Variants in SGCD observed in about 807,000 individuals in gnomAD.
SGCD encodes the protein sarcoglycan delta.
SGCD carries 18 observed loss-of-function variants against 36.6 expected under a neutral mutation model. The observed-to-expected ratio is 0.49, with a 90% CI of 0.34 to 0.73. SGCD has a LOEUF of 0.73. Among genes scored for constraint, SGCD ranks in the 30% least tolerant of loss-of-function variants. The probability of loss-of-function intolerance (pLI) is 0.01; values close to 1 mark genes in which losing one functional copy is unlikely to be tolerated. For missense variants in SGCD, 387 were observed against 346.7 expected (o/e 1.12, Z -0.92); for synonymous variants, 133 against 130.6 (o/e 1.02, Z -0.12).
chr5:156,360,222 T>A (rs915333816), intron 3 of SGCD, among the ~76,000 whole-genome samples: 1 of 151,700 alleles, frequency 6.6e-6, no homozygotes, highest in Non-Finnish European at 1.5e-5. Flanking sequence ...TTCGCCTATT[T>A]TACATATACC....
rs904628073 is a variant in SGCD at position 156,276,895 on chromosome 5, GT to G, written c.-43-52632del. 3.3e-5 allele frequency among the ~76,000 whole-genome samples: 5 copies of G among 152,022 alleles called. No individual in the cohort carries two copies. The East Asian group carries it at 5.8e-4, about 18-fold the overall frequency. On this transcript the variant is annotated intron_variant, in intron 3 of 9. Transcript: ENST00000517913. ...CATCCCTCTAGTGATAAACATTTAG[GT>G]TTTTTTCAGATTTTTGCTTTTAAAC...
chr5:156,203,390 T>A (rs537103477), intron 3 of SGCD, among the ~76,000 whole-genome samples: 1 of 152,274 alleles, frequency 6.6e-6, no homozygotes, highest in Admixed American at 6.5e-5. Context: ...ATTGTTCCTA[T>A]GTAGTTCGAT....
At chr5:156,500,011 G>A (rs577974402) in intron 3 of SGCD, among the ~76,000 whole-genome samples, 5 of 152,112 alleles carry the variant, frequency 3.3e-5, no homozygotes, top group East Asian at 1.9e-4. Context: ...ATGAAATGTC[G>A]ATATTAAAGA....
the SGCD span, among the ~76,000 whole-genome samples, chr5:155,808,361 C>G: frequency 6.6e-6 from 1 of 152,154 alleles, no homozygotes; most frequent in Non-Finnish European, 1.5e-5. Context: ...TGGACAGTAA[C>G]TCAATCTGGT....
chr5:155,865,320 T>A, the SGCD span, among the ~76,000 whole-genome samples: 3 of 152,128 alleles, frequency 2.0e-5, no homozygotes, highest in South Asian at 4.1e-4. Context: ...TTTTTACAAA[T>A]CTCTAACATC....
the SGCD span, among the ~76,000 whole-genome samples, chr5:155,825,624 T>G: frequency 0.054 from 8,290 of 152,236 alleles, 505 homozygotes; most frequent in African/African-American, 0.15. Context: ...AATTTTGCCT[T>G]TTCATACTGT....
intron 3 of SGCD, among the ~76,000 whole-genome samples, chr5:156,177,947 A>G (rs1482059369): frequency 6.6e-6 from 1 of 152,228 alleles, no homozygotes; most frequent in Non-Finnish European, 1.5e-5. Flanking sequence ...ATGTATATTG[A>G]AAATATAAGA....
chr5:156,626,283 C>T (rs1762439887), intron 6 of SGCD, among the ~76,000 whole-genome samples: 1 of 152,222 alleles, frequency 6.6e-6, no homozygotes, highest in East Asian at 1.9e-4. Flanking sequence ...GTATGTCCTC[C>T]TTTCTCATTC....
the SGCD span, among the ~76,000 whole-genome samples, chr5:155,775,818 T>G: frequency 1.3e-5 from 2 of 152,214 alleles, no homozygotes; most frequent in East Asian, 3.9e-4. Flanking sequence ...CTCAGGGAGC[T>G]TATGATGCTA....
intron 6 of SGCD, among the ~76,000 whole-genome samples, chr5:156,630,220 A>C (rs1157130441): frequency 6.6e-6 from 1 of 152,132 alleles, no homozygotes; most frequent in Non-Finnish European, 1.5e-5. Flanking sequence ...AATGCCAAAG[A>C]CTGGAAATCT....
intron 3 of SGCD, among the ~76,000 whole-genome samples, chr5:156,315,062 G>T (rs1426044119): frequency 6.6e-6 from 1 of 151,856 alleles, no homozygotes; most frequent in Non-Finnish European, 1.5e-5. Context: ...TGTTTGTGTG[G>T]TGGGTACACT....
At chr5:156,537,600 T>A (rs1758174762) in intron 4 of SGCD, among the ~76,000 whole-genome samples, 1 of 152,018 alleles carries the variant, frequency 6.6e-6, no homozygotes, top group Non-Finnish European at 1.5e-5. Context: ...ACTTCCTCTA[T>A]CAAATCTTCA....
intron 6 of SGCD, among the ~76,000 whole-genome samples, chr5:156,630,309 G>A (rs968938128): frequency 1.3e-5 from 2 of 152,096 alleles, no homozygotes; most frequent in African/African-American, 4.8e-5. Context: ...ACACATAACA[G>A]GTACTCAATA....
intron 1 of SGCD, among the ~76,000 whole-genome samples, chr5:156,097,067 A>G (rs1261503256): frequency 6.6e-6 from 1 of 151,608 alleles, no homozygotes; most frequent in African/African-American, 2.4e-5. Context: ...GAAATCTGTT[A>G]TTTAAATTGG....
At chr5:155,782,955 A>T in the SGCD span, among the ~76,000 whole-genome samples, 1 of 152,122 alleles carries the variant, frequency 6.6e-6, no homozygotes, top group South Asian at 2.1e-4. Context: ...TTGGGAAAAA[A>T]AATGATGCAT....
the SGCD span, among the ~76,000 whole-genome samples, chr5:155,818,058 T>C: frequency 6.6e-6 from 1 of 152,192 alleles, no homozygotes; most frequent in Non-Finnish European, 1.5e-5. Flanking sequence ...TAAAACAACA[T>C]ATTGATTGCC....
At chr5:156,621,867 T>G (rs1232293064) in intron 6 of SGCD, among the ~76,000 whole-genome samples, 1 of 152,202 alleles carries the variant, frequency 6.6e-6, no homozygotes, top group Non-Finnish European at 1.5e-5. Context: ...TCTCATCTCT[T>G]TGTGTGTCTT....
the SGCD span, among the ~76,000 whole-genome samples, chr5:155,808,600 A>G: frequency 6.6e-6 from 1 of 152,244 alleles, no homozygotes; most frequent in South Asian, 2.1e-4. Flanking sequence ...AAATGGACCC[A>G]AAAGAATCCA....
intron 4 of SGCD, among the ~76,000 whole-genome samples, chr5:156,531,450 A>G (rs1401775084): frequency 6.6e-6 from 1 of 152,236 alleles, no homozygotes; most frequent in African/African-American, 2.4e-5. Context: ...GATGTTACAC[A>G]AAGTATAAGA....
Sources: gnomAD v4.1 joint callset for allele counts (sites outside exome capture counted in the v4.1 genomes callset) on GRCh38, gnomAD v4.1.1 for gene constraint, MANE v1.5 for transcripts, NCBI Gene and HGNC (gene_info 2026-07-23, HGNC 2026-07-21) for gene names.